The following DNAJA3 variants were observed in gnomAD, a reference collection of about 807,000 sequenced individuals.
DNAJA3 encodes the protein DnaJ heat shock protein family (Hsp40) member A3.
A neutral mutation model predicts 54.9 loss-of-function variants in DNAJA3; 29 were observed. The ratio of observed to expected loss-of-function variants is 0.53; its 90% CI spans 0.39 to 0.72. The LOEUF is 0.72. DNAJA3 is among the 30% of genes least tolerant of loss of function. DNAJA3 has a pLI of 0.00. For missense variants in DNAJA3, 708 were observed against 639.4 expected (o/e 1.11, Z -1.16); for synonymous variants, 302 against 251.4 (o/e 1.20, Z -1.90).
intron 1 of DNAJA3, among the ~76,000 whole-genome samples, chr16:4,429,555 C>T (rs1407904016): frequency 6.6e-6 from 1 of 152,154 alleles, no homozygotes; most frequent in Non-Finnish European, 1.5e-5. Context: ...CTGACTGTGG[C>T]CGGACATGGT....
intron 10 of DNAJA3, among the ~76,000 whole-genome samples, chr16:4,451,824 G>C (rs1297662932): frequency 1.4e-5 from 2 of 146,698 alleles, no homozygotes; most frequent in Non-Finnish European, 3.0e-5. Flanking sequence ...ACTTTGGGAC[G>C]CCGAGGAGGG....
rs201606199 is a variant in DNAJA3 at position 4,448,890 on chromosome 16, C to T, written c.1241+42C>T. On this transcript the variant is annotated intron_variant, in intron 9 of 11. Coordinates refer to ENST00000262375, the MANE Select transcript of DNAJA3 (RefSeq NM_005147.6). ...CTGTGGCCAAGCCCGCCTGGTCCTG[C>T]GGTGGCACTGCCCTTGGAGCTCTGT... is the stretch of plus-strand genomic sequence containing the variant. 2.2e-4 allele frequency: 323 copies of T among 1,470,922 alleles called. 1 individual carries two copies. In the South Asian group the frequency reaches 3.2e-3, roughly 15 times the overall value. The allele number at this position is 1,470,922 out of a possible 1,614,324, so 91.1% of individuals were successfully genotyped here. A position where few individuals can be genotyped will look rare whatever the true frequency, so the allele number is the denominator to read the frequency against.
At chr16:4,431,152 C>G (rs1312558834) in intron 1 of DNAJA3, 2 of 152,238 alleles carry the variant, frequency 1.3e-5, no homozygotes, top group Non-Finnish European at 2.9e-5. Flanking sequence ...TCCGTGTTCT[C>G]TGCCCGTAAT....
chr16:4,426,839 G>C (rs537197020), intron 1 of DNAJA3: 7 of 152,160 alleles, frequency 4.6e-5, no homozygotes, highest in Non-Finnish European at 8.8e-5. Context: ...CAAGGAGGTG[G>C]AGGCTTGATA....
chr16:4,453,433 C>G (rs76641401), intron 10 of DNAJA3, among the ~76,000 whole-genome samples: 2 of 142,736 alleles, frequency 1.4e-5, no homozygotes, highest in East Asian at 2.0e-4. Context: ...CCTTGTTGTT[C>G]TTTTTTTTTT....
chr16:4,435,471 T>C (rs1283773603), intron 2 of DNAJA3, among the ~76,000 whole-genome samples: 2 of 152,180 alleles, frequency 1.3e-5, no homozygotes, highest in African/African-American at 4.8e-5. Flanking sequence ...CTGTATTCAT[T>C]AGCACTCCCC....
At chr16:4,436,662 A>G (rs915409511) in intron 2 of DNAJA3, among the ~76,000 whole-genome samples, 10 of 151,798 alleles carry the variant, frequency 6.6e-5, no homozygotes, top group Non-Finnish European at 1.5e-4. Flanking sequence ...CAGCCTCCCG[A>G]GTACCTGTGT....
chr16:4,441,432 G>A lies in DNAJA3; in HGVS notation c.487G>A (p.Asp163Asn), dbSNP rs764253890. 110 of 1,614,016 alleles carry A rather than the reference G, an allele frequency of 6.8e-5. No individual in the cohort carries two copies. The highest frequency in any genetic ancestry group is 8.5e-5 in the Non-Finnish European group (100 of 1,180,032). Reference sequence around the variant, plus strand: ...CGATGCCTACGGCTCTGCAGGCTTCGATCCTGGGGCCAGCGGCTCCCAGCA... The same window carrying A: ...CGATGCCTACGGCTCTGCAGGCTTCAATCCTGGGGCCAGCGGCTCCCAGCA... ...QYDAYGSAGF[D>N]PGASGSQHSY... The change falls in exon 4 of 12, where the codon GAT (aspartate) becomes AAT (asparagine). Residue 163 changes from aspartate to asparagine, a missense_variant. Physicochemically the swap from Asp to Asn is conservative, Grantham distance 23. Transcript: ENST00000262375.
chr16:4,431,972 G>A (rs1220105450), intron 1 of DNAJA3: 7 of 151,906 alleles, frequency 4.6e-5, no homozygotes, highest in African/African-American at 1.2e-4. Context: ...AGACTCCTTA[G>A]CATAGCTCTA....
At chr16:4,429,459 G>T (rs778834925) in intron 1 of DNAJA3, among the ~76,000 whole-genome samples, 4 of 151,664 alleles carry the variant, frequency 2.6e-5, no homozygotes, top group Non-Finnish European at 5.9e-5. Context: ...CTTTACCCAT[G>T]ATCTGTCCAC....
rs138128625 is a variant in DNAJA3 at position 4,434,472 on chromosome 16, G to A, written c.300G>A (p.Val100=). The change falls in exon 2 of 12, where the codon GTG becomes GTA. Residue 100 remains valine, a synonymous_variant. Coordinates refer to ENST00000262375, the MANE Select transcript of DNAJA3 (RefSeq NM_005147.6). ...AKEDYYQILG[V]PRNASQKEIK... ...AAGATTATTATCAGATATTAGGAGT[G>A]CCTCGAAATGCCAGCCAGAAAGAGA... 212 of 1,613,928 alleles carry A rather than the reference G, an allele frequency of 1.3e-4. 1 individual carries two copies. In the African/African-American group the frequency reaches 2.7e-3, roughly 20 times the overall value.
At chr16:4,428,882 A>ATTTTT (rs766170292) in intron 1 of DNAJA3, among the ~76,000 whole-genome samples, 28 of 108,458 alleles carry the variant, frequency 2.6e-4, no homozygotes, top group East Asian at 5.2e-4. Flanking sequence ...CTACAAAAAG[A>ATTTTT]TTTTTTTTTT....
intron 6 of DNAJA3, among the ~76,000 whole-genome samples, chr16:4,444,454 T>C (rs1167432303): frequency 6.6e-6 from 1 of 151,802 alleles, no homozygotes; most frequent in East Asian, 1.9e-4. Flanking sequence ...AGCGATTCTC[T>C]TTCCTCAGCC....
At chr16:4,442,616 G>C in intron 5 of DNAJA3, 196 bp downstream of exon 5, 1 of 612,180 alleles carries the variant, frequency 1.6e-6, no homozygotes, top group African/African-American at 1.9e-5. Context: ...TCAGCAACCA[G>C]AGCACAGCAG....
intron 7 of DNAJA3, among the ~76,000 whole-genome samples, chr16:4,445,150 A>G (rs1389164581): frequency 6.6e-6 from 1 of 152,156 alleles, no homozygotes; most frequent in East Asian, 1.9e-4. Context: ...ACCTGAGAAA[A>G]ACCCACACAA....
chr16:4,431,093 C>G (rs1031574720), intron 1 of DNAJA3: 1 of 152,102 alleles, frequency 6.6e-6, no homozygotes, highest in African/African-American at 2.4e-5. Context: ...CGTGATTTGT[C>G]TTTATCCACA....
At chr16:4,441,859 C>T (rs1226708686) in intron 4 of DNAJA3, among the ~76,000 whole-genome samples, 2 of 152,126 alleles carry the variant, frequency 1.3e-5, no homozygotes, top group Middle Eastern at 3.2e-3. Flanking sequence ...TACAGTATTC[C>T]AGGAGAGTTC....
chr16:4,442,821 C>T (rs1274049929), intron 5 of DNAJA3, 196 bp from the exon 6 acceptor site: 1 of 619,434 alleles, frequency 1.6e-6, no homozygotes, highest in Non-Finnish European at 2.8e-6. Context: ...ATCTGGAGTG[C>T]AGAAGTTTGT....
intron 3 of DNAJA3, 187 bp from the exon 4 acceptor site, chr16:4,441,188 C>T (rs2056831918): frequency 3.4e-6 from 2 of 596,862 alleles, no homozygotes; most frequent in Middle Eastern, 4.5e-4. Context: ...CTACACTTAG[C>T]ATTCAGTTTG....
Sources: gnomAD v4.1 joint callset for allele counts (sites outside exome capture counted in the v4.1 genomes callset) on GRCh38, gnomAD v4.1.1 for gene constraint, MANE v1.5 for transcripts, NCBI Gene and HGNC (gene_info 2026-07-23, HGNC 2026-07-21) for gene names.